Variants in NPHS2 observed in about 807,000 individuals in gnomAD.
NPHS2 encodes podocin.
In NPHS2, 36 loss-of-function variants were observed where a neutral mutation model predicts 37.1. The observed-to-expected ratio is 0.97, with a 90% CI of 0.74 to 1.28. The LOEUF (loss-of-function observed/expected upper bound fraction) is 1.28, where lower values mean the gene tolerates loss of function less well. NPHS2 is among the 50% of genes most tolerant of loss of function. The pLI, the probability that NPHS2 is intolerant of heterozygous loss-of-function variation, is 0.00. For synonymous variants in NPHS2, 196 were observed against 189.3 expected, an observed-to-expected ratio of 1.04 and a Z score of -0.29; for missense variants, 447 against 488.1, an observed-to-expected ratio of 0.92 and a Z score of 0.79.
Position 179,557,720 on chromosome 1 carries a change from T to C in NPHS2, c.535-490A>G, listed in dbSNP as rs562810307. On this transcript the variant is annotated intron_variant, in intron 4 of 7. Coordinates refer to ENST00000367615, the MANE Select transcript of NPHS2 (RefSeq NM_014625.4). ...AGCTATAAGGATGTTACTCACAGTA[T>C]TGCTAATTGGAATACAAATTGGAAA... 2.0e-5 allele frequency among the ~76,000 whole-genome samples: 3 copies of C among 152,308 alleles called. No homozygotes were observed. In the South Asian group the frequency reaches 6.2e-4, roughly 32 times the overall value.
At chr1:179,571,110 G>T (rs1674534757) in intron 1 of NPHS2, among the ~76,000 whole-genome samples, 1 of 152,248 alleles carries the variant, frequency 6.6e-6, no homozygotes, top group Non-Finnish European at 1.5e-5. Flanking sequence ...TTCATTGCTG[G>T]CAAGGAGCTG....
rs1457785096 is a variant in NPHS2 at position 179,575,754 on chromosome 1, C to T, written c.111G>A (p.Gly37=). ...AKAERSGGGR[G]RQEAGPEPSG... ...ACGGCTCGGGCCCAGCCTCCTGGCG[C>T]CCGCGGCCTCCGCCGCTCCTCTCGG... Residue 37 remains glycine, a synonymous_variant, in exon 1 of 8, where the codon GGG becomes GGA. Coordinates refer to ENST00000367615, the MANE Select transcript of NPHS2 (RefSeq NM_014625.4). 2 of 1,494,756 alleles carry T rather than the reference C, an allele frequency of 1.3e-6. No homozygotes were observed. The highest frequency in any genetic ancestry group is 5.3e-5 in the East Asian group (2 of 37,674). 92.6% of individuals were successfully genotyped at this position (1,494,756 alleles called of 1,614,324 possible). A position where few individuals can be genotyped will look rare whatever the true frequency, so the allele number is the denominator to read the frequency against.
At position 179,556,264 on chromosome 1, in the gene NPHS2, C is replaced by G. The variant is rs1158806524; in HGVS notation, c.738+763G>C. Among the ~76,000 whole-genome samples the G allele has an allele frequency of 6.6e-6, 1 of 152,216 alleles. No individual in the cohort carries two copies. Among genetic ancestry groups the G allele is most frequent in the Non-Finnish European group, 1.5e-5 (1 of 68,032 alleles). On this transcript the variant is annotated intron_variant, in intron 5 of 7. Coordinates refer to ENST00000367615, the MANE Select transcript of NPHS2 (RefSeq NM_014625.4). The surrounding 1 kb of genome is among the most constrained non-coding windows in gnomAD (Gnocchi z 4.1). The stretch of plus-strand genomic sequence containing the variant: ...TCCAACTACCATGGTTCACAACCTC[C>G]TAACCCAGTTCTGGGCCTGGGTGTC...
intron 1 of NPHS2, among the ~76,000 whole-genome samples, chr1:179,568,575 T>C (rs12402111): frequency 0.2 from 30,779 of 152,174 alleles, 3,784 homozygotes; most frequent in Non-Finnish European, 0.27. Flanking sequence ...ATCTTAGTTA[T>C]TTCTTGTCTT....
chr1:179,575,586 C>T lies in NPHS2; in HGVS notation c.274+5G>A, dbSNP rs1363485482. Reference sequence around the variant, plus strand: ...AAGTAGCAGATAGTGGTGCTGAATCCGTACCTTCCTCGGGCCGCTCGCTCT... The same window carrying T: ...AAGTAGCAGATAGTGGTGCTGAATCTGTACCTTCCTCGGGCCGCTCGCTCT... On this transcript the variant is annotated splice_donor_5th_base_variant and intron_variant, in intron 1 of 7. Transcript: ENST00000367615. 2.5e-6 allele frequency: 4 copies of T among 1,600,770 alleles called. No individual in the cohort carries two copies. Among genetic ancestry groups the T allele is most frequent in the East Asian group, 2.2e-5 (1 of 44,860 alleles).
chr1:179,554,860 A>G (rs1673825585), intron 5 of NPHS2: 1 of 380,810 alleles, frequency 2.6e-6, no homozygotes, highest in Non-Finnish European at 4.9e-6. Context: ...TGAGATGGGG[A>G]TATTATCCTG....
chr1:179,557,077 A>G lies in NPHS2; in HGVS notation c.688T>C (p.Ser230Pro), dbSNP rs771953239. 2 of 1,613,944 alleles carry G rather than the reference A, an allele frequency of 1.2e-6. No individual in the cohort carries two copies. Among genetic ancestry groups the G allele is most frequent in the African/African-American group, 1.3e-5 (1 of 74,952 alleles). The change falls in exon 5 of 8, where the codon TCC becomes CCC. Residue 230 changes from serine (S) to proline (P), a missense_variant. Ser to Pro is a moderately conservative substitution (Grantham distance 74). Transcript: ENST00000367615. ...CTCTCTAGAAGAATTTCAGTGAGGG[A>G]TCGATGTGCTAGGAGACGCTTCATA... ...TTMKRLLAHRSLTEILLERKS... is the reference protein window; with the variant it reads ...TTMKRLLAHRPLTEILLERKS...
Position 179,551,450 on chromosome 1 carries a change from A to G in NPHS2, c.875T>C (p.Met292Thr), listed in dbSNP as rs770246605. The change falls in exon 8 of 8, where the codon ATG becomes ACG. Residue 292 changes from methionine to threonine, a missense_variant and splice_region_variant. Transcript: ENST00000367615. ...AEAQRQAKVRMIAAEAEKAAS... is the reference protein window; with the variant it reads ...AEAQRQAKVRTIAAEAEKAAS... ...AGCCTTTTCCGCTTCTGCAGCAATC[A>G]TCTAGAAAACATGTGACGAAAGCAA... The G allele has an allele frequency of 1.9e-6, 3 of 1,613,000 alleles. No homozygotes were observed. Among genetic ancestry groups the G allele is most frequent in the Non-Finnish European group, 2.5e-6 (3 of 1,180,028 alleles).
chr1:179,554,709 C>A (rs1673813329), intron 5 of NPHS2, 178 bp from the exon 6 acceptor site: 2 of 774,712 alleles, frequency 2.6e-6, no homozygotes, highest in Non-Finnish European at 4.4e-6. Context: ...TGCATGGTGC[C>A]ACCCAATAAA....
chr1:179,552,818 T>C, intron 6 of NPHS2, 137 bp from the exon 7 acceptor site: 1 of 720,840 alleles, frequency 1.4e-6, no homozygotes, highest in Non-Finnish European at 2.5e-6. Context: ...GTGCCATTCC[T>C]AGACTTCTGA....
intron 2 of NPHS2, among the ~76,000 whole-genome samples, chr1:179,563,941 T>C (rs1674241076): frequency 6.6e-6 from 1 of 152,178 alleles, no homozygotes; most frequent in African/African-American, 2.4e-5. Context: ...CTACAGCCAG[T>C]GACTGAGATG....
intron 4 of NPHS2, among the ~76,000 whole-genome samples, chr1:179,558,927 C>T (rs755835724): frequency 7.2e-5 from 11 of 152,102 alleles, no homozygotes; most frequent in South Asian, 2.1e-4. Context: ...TGTTCAAGTT[C>T]GTATTAGGGT....
intron 1 of NPHS2, among the ~76,000 whole-genome samples, chr1:179,569,038 G>A (rs1272666066): frequency 1.3e-5 from 2 of 152,186 alleles, no homozygotes; most frequent in African/African-American, 2.4e-5. Flanking sequence ...TTGATTTGGG[G>A]TGGAGAGTTC....
intron 4 of NPHS2, 107 bp downstream of exon 4, chr1:179,559,572 A>G (rs1674057354): frequency 1.0e-5 from 8 of 764,974 alleles, no homozygotes; most frequent in East Asian, 9.0e-5. Flanking sequence ...GATGTAGTCC[A>G]TATCATTATT....
Position 179,559,745 on chromosome 1 carries a change from C to CA in NPHS2, c.467dup (p.Leu156PhefsTer11), listed in dbSNP as rs528833893. On this transcript the variant is annotated frameshift_variant, in exon 4 of 8. Transcript: ENST00000367615. LOFTEE classifies it high-confidence loss of function. ...CCTTGTGGTAGGTATCCAGGCAGGGCAAAAAAAAGAAAAGACCTAAAAGAG... is the reference window on the plus strand; with the variant it reads ...CCTTGTGGTAGGTATCCAGGCAGGGCAAAAAAAAAGAAAAGACCTAAAAGAG... 79 of 1,574,690 alleles carry CA rather than the reference C, an allele frequency of 5.0e-5. No homozygotes were observed. The highest frequency in any genetic ancestry group is 1.1e-4 in the South Asian group (10 of 87,116).
At chr1:179,568,762 A>C (rs911887600) in intron 1 of NPHS2, among the ~76,000 whole-genome samples, 4 of 152,084 alleles carry the variant, frequency 2.6e-5, no homozygotes, top group Admixed American at 2.6e-4. Context: ...CTTTGTTCTC[A>C]TTGGTTTCAA....
chr1:179,559,272 C>T (rs1378460663), intron 4 of NPHS2, among the ~76,000 whole-genome samples: 3 of 152,108 alleles, frequency 2.0e-5, no homozygotes, highest in African/African-American at 7.2e-5. Context: ...AAATGTTAAT[C>T]CCATCTAAAA....
At chr1:179,554,396 T>G (rs1051435410) in intron 6 of NPHS2, 80 bp downstream of exon 6, 1 of 1,572,834 alleles carries the variant, frequency 6.4e-7, no homozygotes, top group East Asian at 2.2e-5. Context: ...GTGAAAATAA[T>G]TTTTCAAATG....
intron 2 of NPHS2, among the ~76,000 whole-genome samples, chr1:179,562,538 C>T (rs1674185412): frequency 6.6e-6 from 1 of 152,248 alleles, no homozygotes; most frequent in South Asian, 2.1e-4. Context: ...TAAAAAGCTC[C>T]AATGAATAAT....
Sources: allele counts gnomAD v4.1 joint callset (sites outside exome capture counted in the v4.1 genomes callset), GRCh38; gene constraint gnomAD v4.1.1; non-coding constraint Gnocchi (gnomAD v3.1); transcripts MANE v1.5; gene names NCBI Gene and HGNC (gene_info 2026-07-23, HGNC 2026-07-21).